Variants in SBK1 observed in about 807,000 individuals in gnomAD.
The protein encoded by SBK1 is SH3 domain binding kinase 1, also known as serine/threonine-protein kinase SBK1.
SBK1 carries 11 observed loss-of-function variants against 24.4 expected under a neutral mutation model. The observed-to-expected ratio is 0.45, with a 90% CI of 0.28 to 0.75. SBK1 has a LOEUF of 0.75. Ranked by LOEUF, SBK1 falls within the 30% of genes least tolerant of loss-of-function variation. The pLI, the probability that SBK1 is intolerant of heterozygous loss-of-function variation, is 0.12. For synonymous variants in SBK1, 308 were observed against 284.4 expected, an observed-to-expected ratio of 1.08 and a Z score of -0.83; for missense variants, 467 against 620.5, an observed-to-expected ratio of 0.75 and a Z score of 2.63.
rs1247488558 is a variant in SBK1, at chr16:28,280,171, G to GTGTA, written c.257+20670_257+20671insGTAT. On this transcript the variant is annotated intron_variant, in intron 1 of 3. Transcript: ENST00000671413. The stretch of plus-strand genomic sequence containing the variant: ...TATATGTGTGTGTGTGTGTGTGTGT[G>GTGTA]TATGTATATATACATATATATGTAC... 7.3e-5 allele frequency among the ~76,000 whole-genome samples: 8 copies of GTGTA among 109,576 alleles called. No individual in the cohort carries two copies. The South Asian group carries it at 1.7e-3, about 23-fold the overall frequency. 71.9% of individuals were successfully genotyped at this position (109,576 alleles called of 152,430 possible). A position where few individuals can be genotyped will look rare whatever the true frequency, so the allele number is the denominator to read the frequency against.
chr16:28,274,999 C>A (rs182487093), intron 1 of SBK1, among the ~76,000 whole-genome samples: 78 of 152,090 alleles, frequency 5.1e-4, no homozygotes, highest in African/African-American at 1.8e-3. Flanking sequence ...TGACTAATCA[C>A]GAGCTAAAAG....
Position 28,322,917 on chromosome 16 carries a change from GCGCTCTCTCTCT to G in SBK1, c.*1998_*2009del, listed in dbSNP as rs1324314767. The stretch of plus-strand genomic sequence containing the variant: ...GCCGTGCTCGCTCTCTCTCTCGCGC[GCGCTCTCTCTCT>G]CCCTCTCTCTCTCTCTCTCTCTCTC... On this transcript the variant is annotated 3_prime_UTR_variant, in exon 4 of 4. Transcript: ENST00000341901. 1 of 117,152 alleles carries G rather than the reference GCGCTCTCTCTCT, an allele frequency of 8.5e-6. No individual in the cohort carries two copies. Among genetic ancestry groups the G allele is most frequent in the South Asian group, 3.1e-4 (1 of 3,220 alleles). The allele number at this position is 117,152 out of a possible 1,614,324, so 7.3% of individuals were successfully genotyped here.
chr16:28,273,864 C>A (rs934216484), intron 1 of SBK1, among the ~76,000 whole-genome samples: 1 of 152,218 alleles, frequency 6.6e-6, no homozygotes, highest in Non-Finnish European at 1.5e-5. Context: ...TATAGGTACA[C>A]CCATACAATG....
rs775483751 is a variant in SBK1, at chr16:28,320,090, G to A, written c.444G>A (p.Glu148=). 6.6e-7 allele frequency: 1 copy of A among 1,520,108 alleles called. No individual in the cohort carries two copies. The allele number at this position is 1,520,108 out of a possible 1,614,324, so 94.2% of individuals were successfully genotyped here. The part of the protein sequence containing the change: ...DIIPPQVGLP[E]DTVKRCVQQL... ...GCCGCCCGCAGGTGGGGCTCCCTGA[G>A]GACACGGTGAAGCGCTGTGTGCAGC... The change falls in exon 4 of 4, where the codon GAG becomes GAA. Residue 148 remains glutamate, a synonymous_variant. Coordinates refer to ENST00000341901, the MANE Select transcript of SBK1 (RefSeq NM_001024401.3). This position sits in a 1 kb window ranked among gnomAD's most constrained non-coding sequence, Gnocchi z 8.5.
intron 1 of SBK1, among the ~76,000 whole-genome samples, chr16:28,275,884 CA>C (rs200459807): frequency 2.7e-5 from 4 of 147,204 alleles, no homozygotes; most frequent in Non-Finnish European, 6.0e-5. Flanking sequence ...GACCCTGTCT[CA>C]AAAAAAAGGA....
At chr16:28,263,423 G>T (rs1260513646) in intron 1 of SBK1, among the ~76,000 whole-genome samples, 1 of 152,208 alleles carries the variant, frequency 6.6e-6, no homozygotes, top group Non-Finnish European at 1.5e-5. Flanking sequence ...CTAAGACCTA[G>T]AGAATGAGAA....
intron 1 of SBK1, among the ~76,000 whole-genome samples, chr16:28,264,929 G>T (rs777558676): frequency 6.6e-6 from 1 of 152,060 alleles, no homozygotes; most frequent in Non-Finnish European, 1.5e-5. Flanking sequence ...GCGAGGAGAG[G>T]GGGCGTGGTC....
chr16:28,272,354 G>A (rs1026546174), intron 1 of SBK1, among the ~76,000 whole-genome samples: 3 of 152,070 alleles, frequency 2.0e-5, no homozygotes, highest in Admixed American at 6.6e-5. Flanking sequence ...CCAGGTGTGA[G>A]CCCCTGGTAC....
At chr16:28,273,282 G>T (rs1034927365) in intron 1 of SBK1, among the ~76,000 whole-genome samples, 2 of 151,514 alleles carry the variant, frequency 1.3e-5, no homozygotes, top group Non-Finnish European at 2.9e-5. Flanking sequence ...GTGCAATGGC[G>T]CAGTCTCGGC....
In SBK1 at chr16:28,319,337, G is replaced by T; in HGVS notation, c.429+140G>T. On this transcript the variant is annotated intron_variant, in intron 3 of 3. Transcript: ENST00000341901. This position sits in a 1 kb window ranked among gnomAD's most constrained non-coding sequence, Gnocchi z 4.0. ...GTCAGTTACCATTTGGGGAGGTGGG[G>T]ATGTGCAGTAAGGAAGACAAAAGTC... 1.5e-6 allele frequency: 1 copy of T among 688,396 alleles called. No individual in the cohort carries two copies. Among genetic ancestry groups the T allele is most frequent in the Non-Finnish European group, 2.5e-6 (1 of 394,136 alleles). 42.6% of individuals were successfully genotyped at this position (688,396 alleles called of 1,614,324 possible). A position where few individuals can be genotyped will look rare whatever the true frequency, so the allele number is the denominator to read the frequency against.
intron 1 of SBK1, among the ~76,000 whole-genome samples, chr16:28,263,785 G>T (rs2044411559): frequency 6.6e-6 from 1 of 152,220 alleles, no homozygotes; most frequent in Admixed American, 6.5e-5. Flanking sequence ...GGAGGTCACA[G>T]TGGTGAGCGG....
At chr16:28,315,464 A>G (rs529108952) in intron 1 of SBK1, among the ~76,000 whole-genome samples, 3 of 152,286 alleles carry the variant, frequency 2.0e-5, no homozygotes, top group African/African-American at 7.2e-5. Flanking sequence ...TGTCACCCAC[A>G]TGACAAGTCA....
At chr16:28,298,019 G>A (rs28520136) in intron 1 of SBK1, among the ~76,000 whole-genome samples, 83,046 of 152,060 alleles carry the variant, frequency 0.55, 25,974 homozygotes, top group South Asian at 0.74. Flanking sequence ...CACGTGAGGC[G>A]CCTGCTGCCT....
chr16:28,302,963 G>GGA (rs532556688), intron 1 of SBK1, among the ~76,000 whole-genome samples: 4 of 123,374 alleles, frequency 3.2e-5, no homozygotes, highest in Admixed American at 7.4e-5. Context: ...GCAGGGCATG[G>GGA]GGGGGGGTCA....
intron 1 of SBK1, among the ~76,000 whole-genome samples, chr16:28,316,986 C>T (rs1049573076): frequency 1.3e-5 from 2 of 152,236 alleles, no homozygotes; most frequent in Non-Finnish European, 2.9e-5. Flanking sequence ...TCGAGACCAG[C>T]CTGGGCCACA....
In SBK1 at chr16:28,322,931, C is replaced by CGT. The variant is rs1184425008; in HGVS notation, c.*2010_*2011insGT. 7.2e-5 allele frequency: 4 copies of CGT among 55,352 alleles called. No individual in the cohort carries two copies. The highest frequency in any genetic ancestry group is 3.3e-4 in the African/African-American group (4 of 12,188). 3.4% of individuals were successfully genotyped at this position (55,352 alleles called of 1,614,324 possible). ...CTCTCTCGCGCGCGCTCTCTCTCTC[C>CGT]CTCTCTCTCTCTCTCTCTCTCTCTC... On this transcript the variant is annotated 3_prime_UTR_variant, in exon 4 of 4. Transcript: ENST00000341901.
At chr16:28,272,755 G>C (rs1330820137) in intron 1 of SBK1, among the ~76,000 whole-genome samples, 2 of 151,400 alleles carry the variant, frequency 1.3e-5, no homozygotes, top group Non-Finnish European at 2.9e-5. Flanking sequence ...CTGAGTAGCT[G>C]GGACTACAGG....
chr16:28,275,714 T>C (rs1287956907), intron 1 of SBK1, among the ~76,000 whole-genome samples: 2 of 151,798 alleles, frequency 1.3e-5, no homozygotes, highest in Non-Finnish European at 1.5e-5. Context: ...ACCCTGAGTC[T>C]ACAAAAAATA....
chr16:28,317,407 C>T lies in SBK1; in HGVS notation c.16C>T (p.Pro6Ser), dbSNP rs571652148. Reference sequence around the variant, plus strand: ...CAGGGAGAAGATGAGCGTGGGCTGCCCAGAGCCTGAGCCGCCCCGCTCCCT... The same window carrying T: ...CAGGGAGAAGATGAGCGTGGGCTGCTCAGAGCCTGAGCCGCCCCGCTCCCT... MSVGC[P>S]EPEPPRSLTC... Residue 6 changes from proline (P) to serine (S), a missense_variant, in exon 2 of 4, where the codon CCA becomes TCA. Coordinates refer to ENST00000341901, the MANE Select transcript of SBK1 (RefSeq NM_001024401.3). The surrounding 1 kb of genome is among the most constrained non-coding windows in gnomAD (Gnocchi z 4.2). 1.8e-5 allele frequency: 29 copies of T among 1,613,820 alleles called. No individual in the cohort carries two copies. In the East Asian group the frequency reaches 5.8e-4, roughly 32 times the overall value.
Sources: allele counts gnomAD v4.1 joint callset (sites outside exome capture counted in the v4.1 genomes callset), GRCh38; gene constraint gnomAD v4.1.1; non-coding constraint Gnocchi (gnomAD v3.1); transcripts MANE v1.5; gene names NCBI Gene and HGNC (gene_info 2026-07-23, HGNC 2026-07-21).